Variants in HS6ST2 observed in about 807,000 individuals in gnomAD.
HS6ST2 encodes heparan-sulfate 6-O-sulfotransferase 2.
HS6ST2 carries 17 observed loss-of-function variants against 33.0 expected under a neutral mutation model. The observed-to-expected ratio is 0.52, with a 90% confidence interval of 0.35 to 0.77. The LOEUF is 0.77. Among genes scored for constraint, HS6ST2 ranks in the 30% least tolerant of loss-of-function variants. The probability of loss-of-function intolerance (pLI) is 0.01; values close to 1 mark genes in which losing one functional copy is unlikely to be tolerated. For synonymous variants in HS6ST2, 248 were observed against 237.1 expected (o/e 1.05, Z -0.42); for missense variants, 519 against 551.7 (o/e 0.94, Z 0.59).
chrX:132,768,956 T>TAAC (rs1224097751), intron 2 of HS6ST2, among the ~76,000 whole-genome samples: 1 of 112,570 alleles, frequency 8.9e-6, no homozygotes, highest in African/African-American at 3.2e-5. Context: ...AAGTCCTGTG[T>TAAC]AGTGCCTGTA....
At chrX:132,814,874 GAATGTCTTC>G (rs774345692) in intron 2 of HS6ST2, among the ~76,000 whole-genome samples, 163 of 112,143 alleles carry the variant, frequency 1.5e-3, no homozygotes, top group African/African-American at 5.1e-3. Context: ...CCTCAGCCTG[GAATGTCTTC>G]TTCTCTCGCC....
intron 2 of HS6ST2, among the ~76,000 whole-genome samples, chrX:132,886,111 C>G (rs756828561): frequency 1.3e-4 from 14 of 111,896 alleles, no homozygotes; most frequent in Non-Finnish European, 2.6e-4. Context: ...ATATATTGGA[C>G]TTGCTGGATG....
intron 3 of HS6ST2, among the ~76,000 whole-genome samples, chrX:132,708,138 ACT>A (rs929959400): frequency 1.6e-4 from 17 of 107,298 alleles, no homozygotes; most frequent in Non-Finnish European, 3.1e-4. Flanking sequence ...TCAACAACAC[ACT>A]CTACTGTGTC....
At chrX:132,866,216 G>A (rs2065978317) in intron 2 of HS6ST2, among the ~76,000 whole-genome samples, 1 of 111,538 alleles carries the variant, frequency 9.0e-6, no homozygotes, top group Non-Finnish European at 1.9e-5. Flanking sequence ...AGTTTTCCCA[G>A]CACCATTTAT....
chrX:132,952,469 T>A (rs2067024646), intron 2 of HS6ST2, among the ~76,000 whole-genome samples: 1 of 111,112 alleles, frequency 9.0e-6, no homozygotes, highest in Admixed American at 9.6e-5. Context: ...AAGCCTGTTG[T>A]GTCATTTTGC....
intron 2 of HS6ST2, among the ~76,000 whole-genome samples, chrX:132,868,742 G>A (rs1413294142): frequency 9.0e-6 from 1 of 111,731 alleles, no homozygotes; most frequent in Non-Finnish European, 1.9e-5. Flanking sequence ...CGAGAACAAA[G>A]ACACTACATA....
chrX:132,738,791 G>A (rs754409543), intron 2 of HS6ST2, among the ~76,000 whole-genome samples: 8 of 112,090 alleles, frequency 7.1e-5, no homozygotes, highest in African/African-American at 2.3e-4. Context: ...TAGCTAGCAT[G>A]TGGCCCCACA....
intron 2 of HS6ST2, 161 bp from the exon 3 acceptor site, chrX:132,708,655 C>T (rs1489957458): frequency 2.2e-6 from 1 of 445,049 alleles, no homozygotes; most frequent in Admixed American, 3.3e-5. Context: ...TCCCCACTGG[C>T]TCCTCTCAAG....
intron 2 of HS6ST2, among the ~76,000 whole-genome samples, chrX:132,944,157 A>G (rs1602913623): frequency 8.9e-6 from 1 of 112,241 alleles, no homozygotes; most frequent in East Asian, 2.8e-4. Flanking sequence ...CAACTTCAGC[A>G]AAGTCTCAGG....
chrX:132,772,657 A>G (rs1405545026), intron 2 of HS6ST2, among the ~76,000 whole-genome samples: 1 of 99,824 alleles, frequency 1.0e-5, no homozygotes, highest in East Asian at 3.0e-4. Context: ...ATATAATTGT[A>G]TGCAATATAA....
At chrX:132,792,092 T>C (rs1485655676) in intron 2 of HS6ST2, among the ~76,000 whole-genome samples, 1 of 112,605 alleles carries the variant, frequency 8.9e-6, no homozygotes, top group East Asian at 2.8e-4. Context: ...GTACCTAAGC[T>C]ATTTCACTCT....
At chrX:132,670,895 C>A (rs942607366) in intron 3 of HS6ST2, among the ~76,000 whole-genome samples, 6 of 112,506 alleles carry the variant, frequency 5.3e-5, no homozygotes, top group African/African-American at 1.9e-4. Flanking sequence ...AGCTCTGGCT[C>A]TGCTGCTGGA....
At chrX:132,858,068 C>T (rs772372983) in intron 2 of HS6ST2, among the ~76,000 whole-genome samples, 4 of 111,828 alleles carry the variant, frequency 3.6e-5, no homozygotes, top group Non-Finnish European at 7.5e-5. Context: ...ATGACCCTCA[C>T]TGTTCTTTGC....
chrX:132,848,448 A>C (rs1171412756), intron 2 of HS6ST2, among the ~76,000 whole-genome samples: 1 of 112,342 alleles, frequency 8.9e-6, no homozygotes, highest in African/African-American at 3.2e-5. Flanking sequence ...TCAAAGGAGT[A>C]GTGTCCTCTA....
chrX:132,820,910 T>G (rs1283344322), intron 2 of HS6ST2, among the ~76,000 whole-genome samples: 2 of 110,487 alleles, frequency 1.8e-5, no homozygotes, highest in African/African-American at 6.6e-5. Context: ...AATGTCCTGT[T>G]TCTACCCTCC....
At chrX:132,694,273 G>A (rs2064087277) in intron 3 of HS6ST2, among the ~76,000 whole-genome samples, 1 of 111,780 alleles carries the variant, frequency 8.9e-6, no homozygotes, top group Admixed American at 9.5e-5. Flanking sequence ...CAAGACCAGT[G>A]ACCTCTTTTT....
At chrX:132,764,812 A>G (rs2064830688) in intron 2 of HS6ST2, among the ~76,000 whole-genome samples, 1 of 112,038 alleles carries the variant, frequency 8.9e-6, no homozygotes, top group Non-Finnish European at 1.9e-5. Flanking sequence ...TTTTAAAACA[A>G]CAGTAATTGC....
chrX:132,821,567 C>T (rs1318620982), intron 2 of HS6ST2, among the ~76,000 whole-genome samples: 1 of 110,474 alleles, frequency 9.1e-6, no homozygotes, highest in East Asian at 2.8e-4. Context: ...CGGTGACCCC[C>T]TCCCCACCCA....
chrX:132,925,342 T>C (rs1329629424), intron 2 of HS6ST2, among the ~76,000 whole-genome samples: 1 of 111,805 alleles, frequency 8.9e-6, no homozygotes, highest in Admixed American at 9.5e-5. Context: ...AAGTGTTCCT[T>C]GAGTTCTGTG....
Sources: allele counts gnomAD v4.1 joint callset (sites outside exome capture counted in the v4.1 genomes callset), GRCh38; gene constraint gnomAD v4.1.1; transcripts MANE v1.5; gene names NCBI Gene and HGNC (gene_info 2026-07-23, HGNC 2026-07-21).